MARK4: variants seen among roughly 807,000 people sequenced by gnomAD.
MARK4 encodes microtubule affinity regulating kinase 4.
MARK4 carries 19 observed loss-of-function variants against 81.5 expected under a neutral mutation model. That is an observed-to-expected ratio of 0.23 (90% CI 0.16 to 0.34). MARK4 has a LOEUF of 0.34. Among genes scored for constraint, MARK4 ranks in the 10% least tolerant of loss-of-function variants. The probability of loss-of-function intolerance (pLI) is 1.00; values close to 1 mark genes in which losing one functional copy is unlikely to be tolerated. For missense variants in MARK4, 772 were observed against 1,058.8 expected, an observed-to-expected ratio of 0.73 and a Z score of 3.76; for synonymous variants, 436 against 439.0, an observed-to-expected ratio of 0.99 and a Z score of 0.08.
At chr19:45,257,988 CTTTT>C (rs750146000) in intron 1 of MARK4, among the ~76,000 whole-genome samples, 2 of 131,668 alleles carry the variant, frequency 1.5e-5, no homozygotes, top group Non-Finnish European at 3.2e-5. Flanking sequence ...CATGCCTGGC[CTTTT>C]TTTTTTTTTT....
Position 45,302,621 on chromosome 19 carries a change from T to C in MARK4, c.2170T>C (p.Leu724=). Reference sequence around the variant, plus strand: ...GGTCTGCCAGCTGCCCCGGCCAGGCTTGCGGGGAGTTCTCTTCCGCCGTGT... The same window carrying C: ...GGTCTGCCAGCTGCCCCGGCCAGGCCTGCGGGGAGTTCTCTTCCGCCGTGT... ...VEVCQLPRPG[L]RGVLFRRVAG... The change falls in exon 17 of 17, where the codon TTG becomes CTG. Residue 724 remains leucine, a synonymous_variant. Coordinates refer to ENST00000262891, the MANE Select transcript of MARK4 (RefSeq NM_001199867.2). The surrounding 1 kb of genome is among the most constrained non-coding windows in gnomAD (Gnocchi z 4.9). The C allele has an allele frequency of 6.5e-7, 1 of 1,550,052 alleles. No individual in the cohort carries two copies. Among genetic ancestry groups the C allele is most frequent in the Non-Finnish European group, 8.7e-7 (1 of 1,154,614 alleles).
In MARK4 at chr19:45,302,897, G is replaced by A. The variant is rs1970997140; in HGVS notation, c.*187G>A. The A allele has an allele frequency of 1.0e-6, 1 of 972,474 alleles. No homozygotes were observed. Among genetic ancestry groups the A allele is most frequent in the Non-Finnish European group, 1.5e-6 (1 of 683,226 alleles). 60.2% of individuals were successfully genotyped at this position (972,474 alleles called of 1,614,324 possible). A position where few individuals can be genotyped will look rare whatever the true frequency, so the allele number is the denominator to read the frequency against. On this transcript the variant is annotated 3_prime_UTR_variant, in exon 17 of 17. Transcript: ENST00000262891. This position sits in a 1 kb window ranked among gnomAD's most constrained non-coding sequence, Gnocchi z 4.9. ...GCTCAGCACAGAAGAAGGATGAGGGGGCTCAGCGGGGGGAGCTGGCACCTT... is the reference window on the plus strand; with the variant it reads ...GCTCAGCACAGAAGAAGGATGAGGGAGCTCAGCGGGGGGAGCTGGCACCTT...
intron 7 of MARK4, among the ~76,000 whole-genome samples, chr19:45,267,144 C>A (rs567946282): frequency 6.6e-6 from 1 of 152,082 alleles, no homozygotes; most frequent in Non-Finnish European, 1.5e-5. Flanking sequence ...CTGCAACCTC[C>A]GCCTCCCGGG....
intron 7 of MARK4, 67 bp downstream of exon 7, chr19:45,266,348 C>G (rs780455419): frequency 3.3e-6 from 5 of 1,503,606 alleles, no homozygotes; most frequent in Non-Finnish European, 4.6e-6. Flanking sequence ...CCTGCCCCCA[C>G]CCCTCCATGG....
rs757200308 is a variant in MARK4 at position 45,263,432 on chromosome 19, G to T, written c.355+65G>T. 603 of 1,603,772 alleles carry T rather than the reference G, an allele frequency of 3.8e-4. 1 individual carries two copies. Among genetic ancestry groups the T allele is most frequent in the Non-Finnish European group, 4.7e-4 (555 of 1,171,160 alleles). ...AACACTTGCAAAGGAGTTGGGGGTG[G>T]TGGCAGTGGTTAGAATAGTTGGAGA... On this transcript the variant is annotated intron_variant, in intron 4 of 16. Coordinates refer to ENST00000262891, the MANE Select transcript of MARK4 (RefSeq NM_001199867.2).
chr19:45,259,556 G>A (rs1451511666), intron 2 of MARK4, among the ~76,000 whole-genome samples: 1 of 152,120 alleles, frequency 6.6e-6, no homozygotes, highest in Non-Finnish European at 1.5e-5. Flanking sequence ...GAGCTCAGGA[G>A]TTTGAGACCA....
chr19:45,268,007 G>A (rs367648038), intron 7 of MARK4, among the ~76,000 whole-genome samples: 126 of 152,108 alleles, frequency 8.3e-4, no homozygotes, highest in African/African-American at 2.6e-3. Flanking sequence ...CGTTGGCCAG[G>A]CTGGTCTCAA....
At chr19:45,266,802 C>G (rs149618240) in intron 7 of MARK4, among the ~76,000 whole-genome samples, 2,319 of 150,482 alleles carry the variant, frequency 0.015, 79 homozygotes, top group African/African-American at 0.054. Context: ...GCGCGATCTC[C>G]GCTCACTGCA....
intron 10 of MARK4, 83 bp downstream of exon 10, chr19:45,278,698 G>GAATCAAGAGATTCTTA (rs1970634077): frequency 9.7e-7 from 1 of 1,027,586 alleles, no homozygotes; most frequent in Admixed American, 1.9e-5. Context: ...CCGCCTCCCA[G>GAATCAAGAGATTCTTA]AATCAAGAGA....
chr19:45,262,376 G>T (rs2123035988), intron 2 of MARK4, among the ~76,000 whole-genome samples: 1 of 152,138 alleles, frequency 6.6e-6, no homozygotes, highest in Middle Eastern at 3.4e-3. Context: ...TGGGTGCGGA[G>T]AATGGGAGGG....
chr19:45,263,705 G>GCACC (rs1383398066), intron 4 of MARK4, among the ~76,000 whole-genome samples: 1 of 148,606 alleles, frequency 6.7e-6, no homozygotes, highest in East Asian at 2.0e-4. Flanking sequence ...TCGCACCACT[G>GCACC]CACCCCAGCC....
chr19:45,267,719 G>A, intron 7 of MARK4, among the ~76,000 whole-genome samples: 1 of 152,186 alleles, frequency 6.6e-6, no homozygotes, highest in Non-Finnish European at 1.5e-5. Context: ...GAAGTGTGAT[G>A]TTTCCATCAC....
In MARK4 at chr19:45,263,337, A is replaced by G. The variant is rs758818170; in HGVS notation, c.325A>G (p.Ile109Val). 5.0e-6 allele frequency: 8 copies of G among 1,614,214 alleles called. No individual in the cohort carries two copies. Among genetic ancestry groups the G allele is most frequent in the Non-Finnish European group, 6.8e-6 (8 of 1,180,030 alleles). Residue 109 changes from isoleucine (I) to valine (V), a missense_variant, in exon 4 of 17, where the codon ATC (isoleucine) becomes GTC (valine). By Grantham distance (29) the Ile-to-Val change is conservative. This residue lies in a region of MARK4 where 109 missense variants were observed against 294.7 expected (regional missense o/e 0.37). Coordinates refer to ENST00000262891, the MANE Select transcript of MARK4 (RefSeq NM_001199867.2). ...SLQKLFREVRIMKGLNHPNIV... is the reference protein window; with the variant it reads ...SLQKLFREVRVMKGLNHPNIV... ...CGCCCAGCTGTTCCGAGAAGTCCGCATCATGAAGGGCCTAAACCACCCCAA... is the reference window on the plus strand; with the variant it reads ...CGCCCAGCTGTTCCGAGAAGTCCGCGTCATGAAGGGCCTAAACCACCCCAA...
chr19:45,294,493 G>T (rs527640359), intron 14 of MARK4, 41 bp downstream of exon 14: 7 of 1,565,088 alleles, frequency 4.5e-6, no homozygotes, highest in South Asian at 4.5e-5. Flanking sequence ...TGGGAAGTAG[G>T]GGGTAGGTGA....
At chr19:45,262,191 G>A (rs986892656) in intron 2 of MARK4, among the ~76,000 whole-genome samples, 2 of 152,218 alleles carry the variant, frequency 1.3e-5, no homozygotes, top group Admixed American at 1.3e-4. Context: ...CCAAATGTTG[G>A]TGGCATGTGC....
intron 2 of MARK4, among the ~76,000 whole-genome samples, chr19:45,260,745 A>G (rs1435104128): frequency 2.0e-5 from 3 of 152,138 alleles, no homozygotes; most frequent in African/African-American, 7.2e-5. Flanking sequence ...AAAATAAAAA[A>G]TAAATAAACC....
Position 45,287,429 on chromosome 19 carries a change from C to A in MARK4, c.1277-18C>A, listed in dbSNP as rs1030206798. On this transcript the variant is annotated intron_variant, in intron 12 of 16. Coordinates refer to ENST00000262891, the MANE Select transcript of MARK4 (RefSeq NM_001199867.2). ...TTTCCGTGGTGATGCCAGCTCTAAA[C>A]GGTACCCCCTCCCCCAGGTGGCCCA... The A allele has an allele frequency of 8.5e-6, 12 of 1,413,866 alleles. No individual in the cohort carries two copies. The highest frequency in any genetic ancestry group is 2.0e-4 in the Middle Eastern group (1 of 5,042). The allele number at this position is 1,413,866 out of a possible 1,614,324, so 87.6% of individuals were successfully genotyped here. A position where few individuals can be genotyped will look rare whatever the true frequency, so the allele number is the denominator to read the frequency against.
Position 45,264,927 on chromosome 19 carries a change from G to T in MARK4, c.492+17G>T, listed in dbSNP as rs764261390. 16 of 1,613,656 alleles carry T rather than the reference G, an allele frequency of 9.9e-6. No individual in the cohort carries two copies. Among genetic ancestry groups the T allele is most frequent in the Non-Finnish European group, 1.4e-5 (16 of 1,179,672 alleles). On this transcript the variant is annotated intron_variant, in intron 6 of 16. Transcript: ENST00000262891. ...TTCCGACAGGTTGGGGCAGGGCTGA[G>T]GGTGGGGCTGACTGGGTGCCTGGGT...
At chr19:45,273,357 C>A (rs1227042851) in intron 8 of MARK4, among the ~76,000 whole-genome samples, 2 of 152,172 alleles carry the variant, frequency 1.3e-5, no homozygotes, top group African/African-American at 4.8e-5. Flanking sequence ...GTCCTTTTAT[C>A]CCTAAAGGCG....
Sources: allele counts gnomAD v4.1 joint callset (sites outside exome capture counted in the v4.1 genomes callset), GRCh38; gene constraint gnomAD v4.1.1; regional missense constraint gnomAD v4.1.1; non-coding constraint Gnocchi (gnomAD v3.1); transcripts MANE v1.5; gene names NCBI Gene and HGNC (gene_info 2026-07-23, HGNC 2026-07-21).